ADAM32: variants seen among roughly 807,000 people sequenced by gnomAD.
ADAM32 encodes the protein disintegrin and metalloproteinase domain-containing protein 32.
A neutral mutation model predicts 114.9 loss-of-function variants in ADAM32; 89 were observed. That is an observed-to-expected ratio of 0.77 (90% CI 0.65 to 0.92). The LOEUF (loss-of-function observed/expected upper bound fraction) is 0.92, where lower values mean the gene tolerates loss of function less well. ADAM32 is among the 40% of genes least tolerant of loss of function. The probability of loss-of-function intolerance (pLI) is 0.00; values close to 1 mark genes in which losing one functional copy is unlikely to be tolerated. For synonymous variants in ADAM32, 285 were observed against 307.5 expected, an observed-to-expected ratio of 0.93 and a Z score of 0.77; for missense variants, 870 against 932.8, an observed-to-expected ratio of 0.93 and a Z score of 0.88.
chr8:39,254,147 G>A (rs897618587), intron 17 of ADAM32, among the ~76,000 whole-genome samples: 1 of 151,078 alleles, frequency 6.6e-6, no homozygotes, highest in Non-Finnish European at 1.5e-5. Flanking sequence ...TTTTGAAATT[G>A]CATCGTAAAT....
At chr8:39,129,155 G>A (rs1373132924) in intron 2 of ADAM32, among the ~76,000 whole-genome samples, 2 of 143,500 alleles carry the variant, frequency 1.4e-5, no homozygotes, top group South Asian at 2.2e-4. Context: ...TTCTTTGGGA[G>A]TTTCTACAAA....
At chr8:39,165,863 G>T (rs945355908) in intron 9 of ADAM32, 4 of 151,924 alleles carry the variant, frequency 2.6e-5, no homozygotes, top group Non-Finnish European at 5.9e-5. Context: ...TAGTCTGATG[G>T]ATATAACTTA....
intron 14 of ADAM32, 135 bp downstream of exon 14, chr8:39,223,373 A>G: frequency 2.4e-6 from 1 of 408,806 alleles, no homozygotes; most frequent in South Asian, 1.2e-4. Flanking sequence ...GTTTATATAT[A>G]TTTTATTATA....
At chr8:39,219,895 G>A (rs776446999) in intron 12 of ADAM32, among the ~76,000 whole-genome samples, 3 of 152,086 alleles carry the variant, frequency 2.0e-5, no homozygotes, top group South Asian at 2.1e-4. Context: ...TTCTGTGCAC[G>A]GCTAAGAAAA....
chr8:39,284,721 C>G (rs1170574464), intron 24 of ADAM32, 72 bp from the exon 25 acceptor site: 1 of 1,556,264 alleles, frequency 6.4e-7, no homozygotes. Context: ...GGCAATACCT[C>G]AGCTGCTTGT....
chr8:39,121,331 T>C (rs1840579801), intron 2 of ADAM32, among the ~76,000 whole-genome samples: 1 of 152,184 alleles, frequency 6.6e-6, no homozygotes, highest in South Asian at 2.1e-4. Context: ...GATAGAGTTG[T>C]CTGGCTTCAA....
intron 8 of ADAM32, 87 bp downstream of exon 8, chr8:39,164,922 A>G: frequency 6.7e-7 from 1 of 1,488,832 alleles, no homozygotes; most frequent in Non-Finnish European, 9.2e-7. Flanking sequence ...TGGATAATTA[A>G]CCCACCCATA....
chr8:39,171,120 A>T (rs1020984714), intron 10 of ADAM32, among the ~76,000 whole-genome samples: 3 of 151,938 alleles, frequency 2.0e-5, no homozygotes, highest in Non-Finnish European at 4.4e-5. Flanking sequence ...ATTTTTAGTA[A>T]AGAAGGGTTT....
intron 3 of ADAM32, 118 bp downstream of exon 3, chr8:39,136,836 A>T (rs1802835968): frequency 1.3e-5 from 9 of 702,434 alleles, no homozygotes; most frequent in Non-Finnish European, 1.7e-5. Flanking sequence ...AATTGTCTTA[A>T]GTGAAGAGAT....
intron 2 of ADAM32, among the ~76,000 whole-genome samples, chr8:39,127,527 C>T (rs1021134328): frequency 1.3e-5 from 2 of 151,934 alleles, no homozygotes; most frequent in African/African-American, 4.8e-5. Flanking sequence ...TGGTGATATC[C>T]CCTGTATCAT....
intron 9 of ADAM32, chr8:39,165,813 CT>C (rs1297349517): frequency 1.3e-5 from 2 of 152,076 alleles, no homozygotes; most frequent in African/African-American, 4.8e-5. Flanking sequence ...TCCCTCACAT[CT>C]CTGCCAGCCA....
At position 39,237,779 on chromosome 8, in the gene ADAM32, G is replaced by T. The variant is rs543610727; in HGVS notation, c.1818+3697G>T. ...GACATGCCCAACTCTGCCCTCATCT[G>T]ATGGTCTTTCTCTACCTGCCCTGGT... On this transcript the variant is annotated intron_variant, in intron 16 of 24. Transcript: ENST00000379907. 1.1e-3 allele frequency among the ~76,000 whole-genome samples: 168 copies of T among 152,298 alleles called. 1 individual carries two copies. Among genetic ancestry groups the T allele is most frequent in the African/African-American group, 3.9e-3 (162 of 41,556 alleles).
In ADAM32 at chr8:39,164,846, T is replaced by C. The variant is rs771381580; in HGVS notation, c.666+11T>C. 15 of 1,593,976 alleles carry C rather than the reference T, an allele frequency of 9.4e-6. No individual in the cohort carries two copies. In the South Asian group the frequency reaches 1.4e-4, roughly 14 times the overall value. On this transcript the variant is annotated intron_variant, in intron 8 of 24. Transcript: ENST00000379907. ...GGCCTTGCAAATTCAGTAAGTGTTT[T>C]CCTTTTCATATTAAAATAATTGTTG...
chr8:39,149,177 T>A (rs556093007), intron 4 of ADAM32, among the ~76,000 whole-genome samples: 68 of 152,356 alleles, frequency 4.5e-4, no homozygotes, highest in East Asian at 2.5e-3. Flanking sequence ...GTAGATTTTT[T>A]AATTTTTACT....
chr8:39,274,033 G>A (rs1301775298), intron 20 of ADAM32, among the ~76,000 whole-genome samples: 2 of 152,030 alleles, frequency 1.3e-5, no homozygotes, highest in Non-Finnish European at 2.9e-5. Flanking sequence ...TTTCTGAACG[G>A]ATCTATATTC....
In ADAM32 at chr8:39,234,022, G is replaced by A; in HGVS notation, c.1758G>A (p.Leu586=). 6.5e-7 allele frequency: 1 copy of A among 1,538,424 alleles called. No homozygotes were observed. The highest frequency in any genetic ancestry group is 1.3e-5 in the South Asian group (1 of 79,118). The change falls in exon 16 of 25, where the codon TTG becomes TTA. Residue 586 remains leucine, a synonymous_variant. Transcript: ENST00000379907. The part of the protein sequence containing the change: ...DSVCITVDYK[L]PRTVPDPLAV... ...TATGCATAACTGTAGACTACAAATT[G>A]CCTCGAACAGTTCCAGATCCACTGG...
chr8:39,269,086 G>T (rs922889511), intron 19 of ADAM32, among the ~76,000 whole-genome samples: 1 of 152,230 alleles, frequency 6.6e-6, no homozygotes, highest in Non-Finnish European at 1.5e-5. Context: ...GAGGGAGGGG[G>T]TCTTCCCCCA....
chr8:39,179,980 C>T lies in ADAM32; in HGVS notation c.916-6929C>T, dbSNP rs547977561. ...AGTCCTCAGAGCCCTCGCTTGCTCT[C>T]GGTGCCTCCTCTGCCTGGGCTCCCA... On this transcript the variant is annotated intron_variant, in intron 10 of 24. Transcript: ENST00000379907. Among the ~76,000 whole-genome samples, 144 of 152,354 alleles carry T rather than the reference C, an allele frequency of 9.5e-4. 1 individual carries two copies. Among genetic ancestry groups the T allele is most frequent in the African/African-American group, 3.2e-3 (134 of 41,586 alleles).
intron 16 of ADAM32, among the ~76,000 whole-genome samples, chr8:39,241,393 G>C (rs180704095): frequency 6.6e-6 from 1 of 152,358 alleles, no homozygotes; most frequent in East Asian, 1.9e-4. Flanking sequence ...TAGGGACTCT[G>C]TGTGGGGGCT....
Sources: allele counts gnomAD v4.1 joint callset (sites outside exome capture counted in the v4.1 genomes callset), GRCh38; gene constraint gnomAD v4.1.1; transcripts MANE v1.5; gene names NCBI Gene and HGNC (gene_info 2026-07-23, HGNC 2026-07-21).